Variants in CSNK2A2 observed in about 807,000 individuals in gnomAD.
The protein encoded by CSNK2A2 is casein kinase II subunit alpha'.
In CSNK2A2, 8 loss-of-function variants were observed where a neutral mutation model predicts 54.0. The observed-to-expected ratio is 0.15, with a 90% CI of 0.09 to 0.27. The LOEUF is 0.27. Ranked by LOEUF, CSNK2A2 falls within the 10% of genes least tolerant of loss-of-function variation. The pLI, the probability that CSNK2A2 is intolerant of heterozygous loss-of-function variation, is 1.00. For synonymous variants in CSNK2A2, 141 were observed against 153.9 expected, an observed-to-expected ratio of 0.92 and a Z score of 0.62; for missense variants, 242 against 439.4, an observed-to-expected ratio of 0.55 and a Z score of 4.02.
chr16:58,194,547 A>C (rs1019625571), intron 2 of CSNK2A2, among the ~76,000 whole-genome samples: 1 of 152,224 alleles, frequency 6.6e-6, no homozygotes, highest in Non-Finnish European at 1.5e-5. Flanking sequence ...TCAAGAAGAA[A>C]CAAGAAACAT....
At chr16:58,185,164 A>C (rs920994561) in intron 3 of CSNK2A2, among the ~76,000 whole-genome samples, 3 of 152,128 alleles carry the variant, frequency 2.0e-5, no homozygotes, top group Non-Finnish European at 4.4e-5. Context: ...AAAAAAAAAA[A>C]CATCTAGAAA....
intron 2 of CSNK2A2, among the ~76,000 whole-genome samples, chr16:58,194,096 G>GT (rs1468441938): frequency 6.6e-6 from 1 of 152,176 alleles, no homozygotes; most frequent in African/African-American, 2.4e-5. Flanking sequence ...GACTACAAAA[G>GT]TAAGACCACT....
intron 8 of CSNK2A2, 55 bp downstream of exon 8, chr16:58,167,152 C>A: frequency 8.3e-7 from 1 of 1,210,996 alleles, no homozygotes; most frequent in South Asian, 1.3e-5. Flanking sequence ...TCTAAGGATG[C>A]TATTTTTTTG....
At chr16:58,191,526 T>A (rs1000878336) in intron 2 of CSNK2A2, among the ~76,000 whole-genome samples, 2 of 152,092 alleles carry the variant, frequency 1.3e-5, no homozygotes, top group African/African-American at 4.8e-5. Context: ...CATGGCCAAC[T>A]AATTTTTTGT....
At chr16:58,183,110 AGCCCTCTGGGAG>A (rs1413536956) in intron 4 of CSNK2A2, among the ~76,000 whole-genome samples, 1 of 152,164 alleles carries the variant, frequency 6.6e-6, no homozygotes, top group Non-Finnish European at 1.5e-5. Flanking sequence ...CTATAATCCC[AGCCCTCTGGGAG>A]GCCGAGGTGG....
chr16:58,194,387 A>G (rs1184861124), intron 2 of CSNK2A2, among the ~76,000 whole-genome samples: 2 of 152,244 alleles, frequency 1.3e-5, no homozygotes, highest in Admixed American at 6.5e-5. Flanking sequence ...ACAAAACAAC[A>G]AAACCACAAT....
chr16:58,194,917 G>C (rs1300291665), intron 2 of CSNK2A2, among the ~76,000 whole-genome samples: 2 of 143,148 alleles, frequency 1.4e-5, no homozygotes. Context: ...CCTGAATGCT[G>C]TTCCTTTAAA....
chr16:58,177,974 T>G (rs930377451), intron 4 of CSNK2A2, among the ~76,000 whole-genome samples: 1 of 152,208 alleles, frequency 6.6e-6, no homozygotes, highest in African/African-American at 2.4e-5. Flanking sequence ...ATGTCACTTA[T>G]TTTCCTACAA....
intron 11 of CSNK2A2, chr16:58,161,518 G>GACACACACAC (rs767370714): frequency 3.7e-5 from 5 of 135,468 alleles, no homozygotes; most frequent in Non-Finnish European, 7.8e-5. Flanking sequence ...CTAAATATTA[G>GACACACACAC]ACACACAGAC....
At chr16:58,182,905 C>T (rs1185924922) in intron 4 of CSNK2A2, among the ~76,000 whole-genome samples, 1 of 152,180 alleles carries the variant, frequency 6.6e-6, no homozygotes, top group Non-Finnish European at 1.5e-5. Context: ...GAGTTCACTG[C>T]TAATTTCACC....
intron 2 of CSNK2A2, among the ~76,000 whole-genome samples, chr16:58,192,159 G>A (rs116845522): frequency 2.9e-3 from 439 of 152,246 alleles, no homozygotes; most frequent in Non-Finnish European, 5.5e-3. Flanking sequence ...AGTCAAGTGG[G>A]TATCAATGAA....
chr16:58,164,455 TATC>T (rs1961502673), intron 10 of CSNK2A2, among the ~76,000 whole-genome samples: 1 of 152,210 alleles, frequency 6.6e-6, no homozygotes, highest in Admixed American at 6.5e-5. Flanking sequence ...TCAATATTAA[TATC>T]ATCTCTAACC....
chr16:58,180,371 GTTT>G (rs66464636), intron 4 of CSNK2A2, among the ~76,000 whole-genome samples: 2 of 141,068 alleles, frequency 1.4e-5, no homozygotes, highest in African/African-American at 2.6e-5. Context: ...ATACTCCAGA[GTTT>G]TTTTTTTTTT....
chr16:58,168,930 C>CT lies in CSNK2A2; in HGVS notation c.430-238dup, dbSNP rs879339390. Reference sequence around the variant, plus strand: ...ATGGCAAGGGCTATGAGGAAGATTTCTTTTTTTTTTTTTTGAGATGGAGTC... The same window carrying CT: ...ATGGCAAGGGCTATGAGGAAGATTTCTTTTTTTTTTTTTTTGAGATGGAGTC... On this transcript the variant is annotated intron_variant, in intron 5 of 11. Coordinates refer to ENST00000262506, the MANE Select transcript of CSNK2A2 (RefSeq NM_001896.4). Among the ~76,000 whole-genome samples the CT allele has an allele frequency of 5.2e-3, 743 of 142,516 alleles. 11 individuals carry two copies. The East Asian group carries it at 0.079, about 15-fold the overall frequency. The allele number at this position is 142,516 out of a possible 152,430, so 93.5% of individuals were successfully genotyped here. A position where few individuals can be genotyped will look rare whatever the true frequency, so the allele number is the denominator to read the frequency against.
chr16:58,184,332 C>T (rs780137849), intron 3 of CSNK2A2, 22 bp from the exon 4 acceptor site: 5 of 1,531,346 alleles, frequency 3.3e-6, no homozygotes, highest in Non-Finnish European at 4.5e-6. Context: ...AATATTAATG[C>T]TTTTTAAGTA....
intron 6 of CSNK2A2, among the ~76,000 whole-genome samples, chr16:58,168,335 A>C (rs1362969047): frequency 6.6e-6 from 1 of 152,182 alleles, no homozygotes; most frequent in African/African-American, 2.4e-5. Flanking sequence ...TGAAGCAGAA[A>C]CCACCAGCTG....
chr16:58,160,299 G>A (rs923184586), intron 11 of CSNK2A2: 2 of 152,092 alleles, frequency 1.3e-5, no homozygotes, highest in African/African-American at 2.4e-5. Flanking sequence ...GACTCTGATC[G>A]GTTATTATCC....
intron 4 of CSNK2A2, among the ~76,000 whole-genome samples, chr16:58,182,846 C>T (rs1318385811): frequency 6.6e-6 from 1 of 152,204 alleles, no homozygotes; most frequent in Non-Finnish European, 1.5e-5. Flanking sequence ...ACCCTACCAG[C>T]TAAGCGCTGT....
At chr16:58,195,571 G>C (rs1017805309) in intron 2 of CSNK2A2, among the ~76,000 whole-genome samples, 1 of 152,046 alleles carries the variant, frequency 6.6e-6, no homozygotes, top group East Asian at 1.9e-4. Flanking sequence ...ATCACTCTTC[G>C]GTCTTCTCAA....
Sources: allele counts gnomAD v4.1 joint callset (sites outside exome capture counted in the v4.1 genomes callset), GRCh38; gene constraint gnomAD v4.1.1; transcripts MANE v1.5; gene names NCBI Gene and HGNC (gene_info 2026-07-23, HGNC 2026-07-21).